TNR: variants seen among roughly 807,000 people sequenced by gnomAD.
TNR encodes the protein tenascin-R.
TNR carries 45 observed loss-of-function variants against 150.4 expected under a neutral mutation model. That is an observed-to-expected ratio of 0.30 (90% CI 0.24 to 0.38). TNR has a LOEUF of 0.38. TNR is among the 10% of genes least tolerant of loss of function. The pLI, the probability that TNR is intolerant of heterozygous loss-of-function variation, is 1.00. For missense variants in TNR, 1,544 were observed against 1,759.1 expected, an observed-to-expected ratio of 0.88 and a Z score of 2.19; for synonymous variants, 687 against 678.4, an observed-to-expected ratio of 1.01 and a Z score of -0.20.
chr1:175,488,154 C>T (rs1359380001), intron 2 of TNR, among the ~76,000 whole-genome samples: 1 of 152,180 alleles, frequency 6.6e-6, no homozygotes, highest in Non-Finnish European at 1.5e-5. Flanking sequence ...GCTGAACTTC[C>T]AAGCTGTTGT....
intron 2 of TNR, among the ~76,000 whole-genome samples, chr1:175,438,263 A>G (rs933505313): frequency 6.6e-6 from 1 of 152,212 alleles, no homozygotes; most frequent in Non-Finnish European, 1.5e-5. Flanking sequence ...TATAAACAGA[A>G]CCAAAGACAA....
At chr1:175,358,010 G>A (rs1284117008) in intron 15 of TNR, among the ~76,000 whole-genome samples, 1 of 152,202 alleles carries the variant, frequency 6.6e-6, no homozygotes, top group Non-Finnish European at 1.5e-5. Context: ...GAAGAGATAG[G>A]GTTGAAACCA....
At chr1:175,492,679 T>G (rs939344097) in intron 2 of TNR, among the ~76,000 whole-genome samples, 1 of 152,116 alleles carries the variant, frequency 6.6e-6, no homozygotes, top group African/African-American at 2.4e-5. Flanking sequence ...AATGACATGA[T>G]AAGTTAGAAT....
chr1:175,538,956 C>T (rs1660395530), intron 1 of TNR: 1 of 152,264 alleles, frequency 6.6e-6, no homozygotes, highest in Admixed American at 6.5e-5. Flanking sequence ...AGGACAAGGC[C>T]ATCCTCATGG....
chr1:175,669,988 C>A (rs1217861557), intron 1 of TNR, among the ~76,000 whole-genome samples: 2 of 152,208 alleles, frequency 1.3e-5, no homozygotes, highest in Non-Finnish European at 2.9e-5. Context: ...CTCTGTTTCA[C>A]TGTGTGGTTC....
chr1:175,714,588 GCA>G (rs1471655499), intron 1 of TNR, among the ~76,000 whole-genome samples: 5 of 152,120 alleles, frequency 3.3e-5, no homozygotes, highest in African/African-American at 9.7e-5. Context: ...CCCAGCTAAT[GCA>G]CACTGAACCA....
intron 2 of TNR, among the ~76,000 whole-genome samples, chr1:175,520,108 A>G (rs1226745339): frequency 6.6e-6 from 1 of 152,242 alleles, no homozygotes; most frequent in Non-Finnish European, 1.5e-5. Flanking sequence ...TAAAGTAATC[A>G]AAAAGTGCTT....
At chr1:175,478,714 A>G (rs2102125615) in intron 2 of TNR, among the ~76,000 whole-genome samples, 1 of 152,288 alleles carries the variant, frequency 6.6e-6, no homozygotes, top group Middle Eastern at 3.4e-3. Flanking sequence ...CCTGCCACTG[A>G]GGAAAAGGAG....
At chr1:175,414,805 G>A (rs1039199659) in intron 2 of TNR, among the ~76,000 whole-genome samples, 5 of 152,232 alleles carry the variant, frequency 3.3e-5, no homozygotes, top group African/African-American at 1.2e-4. Flanking sequence ...CTGGGAGGAA[G>A]GACTGGGAAG....
rs1322200718 is a variant in TNR at position 175,330,187 on chromosome 1, C to A, written c.3680G>T (p.Arg1227Leu). The change falls in exon 21 of 23, where the codon CGC (arginine) becomes CTC (leucine). Residue 1227 changes from arginine to leucine, a missense_variant. Physicochemically the swap from Arg to Leu is moderately radical, Grantham distance 102. Coordinates refer to ENST00000367674, the MANE Select transcript of TNR (RefSeq NM_003285.3). The stretch of plus-strand genomic sequence containing the variant: ...CTCTTGGCCATCCCGCATGTCCACG[C>A]GCAGCTCATAGCGGCCCTGGGATGT... Reference protein sequence around the residue: ...RITSQGRYELRVDMRDGQEAA... With the variant: ...RITSQGRYELLVDMRDGQEAA... 6.2e-7 allele frequency: 1 copy of A among 1,612,948 alleles called. No homozygotes were observed. The highest frequency in any genetic ancestry group is 8.5e-7 in the Non-Finnish European group (1 of 1,179,068).
intron 1 of TNR, among the ~76,000 whole-genome samples, chr1:175,587,177 C>A (rs923460030): frequency 2.6e-5 from 4 of 152,178 alleles, no homozygotes; most frequent in East Asian, 1.9e-4. Context: ...TGCAGCTTGG[C>A]AGATTACCCC....
chr1:175,593,667 G>T (rs1162460522), intron 1 of TNR, among the ~76,000 whole-genome samples: 1 of 152,160 alleles, frequency 6.6e-6, no homozygotes, highest in East Asian at 1.9e-4. Context: ...AAAAGAGCCT[G>T]TCCTTCAGAA....
At chr1:175,622,537 C>A (rs1664013842) in intron 1 of TNR, among the ~76,000 whole-genome samples, 1 of 152,204 alleles carries the variant, frequency 6.6e-6, no homozygotes, top group Admixed American at 6.5e-5. Flanking sequence ...AGCCCGATAT[C>A]CACGTGCCAC....
At chr1:175,480,631 G>T (rs921763199) in intron 2 of TNR, among the ~76,000 whole-genome samples, 3 of 151,980 alleles carry the variant, frequency 2.0e-5, no homozygotes, top group Admixed American at 6.5e-5. Context: ...GACATTCATG[G>T]CTCAGTTCCC....
chr1:175,404,142 C>T (rs549350250), intron 3 of TNR, among the ~76,000 whole-genome samples: 9 of 152,280 alleles, frequency 5.9e-5, no homozygotes, highest in African/African-American at 2.2e-4. Flanking sequence ...CCCTCATTCT[C>T]TCTCTGGGCA....
chr1:175,409,443 G>C (rs1156547876), intron 2 of TNR, among the ~76,000 whole-genome samples: 1 of 152,142 alleles, frequency 6.6e-6, no homozygotes, highest in East Asian at 1.9e-4. Flanking sequence ...CAAAGTGACA[G>C]CTACAAAATT....
At position 175,324,529 on chromosome 1, in the gene TNR, A is replaced by T; in HGVS notation, c.3794-10T>A. ...TAGCTGAGGGAGTCCCCTGCAAAAA[A>T]GATACATTCATTAGGCTGTCCCATT... On this transcript the variant is annotated splice_polypyrimidine_tract_variant and intron_variant, in intron 21 of 22. Transcript: ENST00000367674. 1 of 1,613,002 alleles carries T rather than the reference A, an allele frequency of 6.2e-7. No homozygotes were observed. Among genetic ancestry groups the T allele is most frequent in the Non-Finnish European group, 8.5e-7 (1 of 1,179,412 alleles).
intron 18 of TNR, among the ~76,000 whole-genome samples, 190 bp downstream of exon 18, chr1:175,354,201 T>C (rs1335313328): frequency 6.6e-6 from 1 of 152,226 alleles, no homozygotes; most frequent in Non-Finnish European, 1.5e-5. Flanking sequence ...CAGGGAGTTG[T>C]ACTGCTGGTT....
intron 1 of TNR, among the ~76,000 whole-genome samples, chr1:175,625,645 T>C (rs1313543780): frequency 6.6e-6 from 1 of 152,238 alleles, no homozygotes; most frequent in Non-Finnish European, 1.5e-5. Flanking sequence ...TTTCTGCTGC[T>C]GTTAAAGGGC....
Sources: allele counts gnomAD v4.1 joint callset (sites outside exome capture counted in the v4.1 genomes callset), GRCh38; gene constraint gnomAD v4.1.1; transcripts MANE v1.5; gene names NCBI Gene and HGNC (gene_info 2026-07-23, HGNC 2026-07-21).